SEM1: variants seen among roughly 807,000 people sequenced by gnomAD.
The protein encoded by SEM1 is SEM1 26S proteasome subunit.
A neutral mutation model predicts 12.7 loss-of-function variants in SEM1; 3 were observed. The observed-to-expected ratio is 0.24, with a 90% CI of 0.11 to 0.61. The LOEUF (loss-of-function observed/expected upper bound fraction) is 0.61, where lower values mean the gene tolerates loss of function less well. SEM1 is among the 20% of genes least tolerant of loss of function. The pLI is 0.88. For synonymous variants in SEM1, 30 were observed against 27.8 expected (o/e 1.08, Z -0.25); for missense variants, 59 against 81.3 (o/e 0.73, Z 1.06).
At chr7:96,599,863 C>G (rs760516284) in intron 2 of SEM1, among the ~76,000 whole-genome samples, 1 of 152,114 alleles carries the variant, frequency 6.6e-6, no homozygotes, top group African/African-American at 2.4e-5. Context: ...AAGTATTGAG[C>G]CAAATATACA....
At chr7:96,599,196 G>A (rs1332516039) in intron 2 of SEM1, among the ~76,000 whole-genome samples, 1 of 152,084 alleles carries the variant, frequency 6.6e-6, no homozygotes, top group African/African-American at 2.4e-5. Context: ...CTAAAGCATA[G>A]CACTTGGTTT....
At chr7:96,608,121 A>G (rs1807439997) in intron 2 of SEM1, among the ~76,000 whole-genome samples, 1 of 152,242 alleles carries the variant, frequency 6.6e-6, no homozygotes, top group Non-Finnish European at 1.5e-5. Flanking sequence ...AGCATAGGAA[A>G]TAACTCCCAA....
At chr7:96,580,241 T>C (rs1393518346) in intron 2 of SEM1, among the ~76,000 whole-genome samples, 1 of 148,444 alleles carries the variant, frequency 6.7e-6, no homozygotes, top group Non-Finnish European at 1.5e-5. Context: ...GTTCTTGTGA[T>C]AGTTTACTGA....
intron 2 of SEM1, among the ~76,000 whole-genome samples, chr7:96,625,312 T>A (rs1808027502): frequency 6.6e-6 from 1 of 152,200 alleles, no homozygotes. Context: ...CACATCTCAC[T>A]TAGCATCATA....
intron 1 of SEM1, among the ~76,000 whole-genome samples, chr7:96,486,941 GC>G (rs961643318): frequency 7.2e-5 from 11 of 152,152 alleles, no homozygotes; most frequent in African/African-American, 2.7e-4. Flanking sequence ...GCATGCCTGT[GC>G]CTGCCTTATG....
chr7:96,527,667 C>T (rs1804510301), intron 2 of SEM1, among the ~76,000 whole-genome samples: 1 of 152,120 alleles, frequency 6.6e-6, no homozygotes, highest in South Asian at 2.1e-4. Flanking sequence ...GGTGGTTTCA[C>T]TAGCAAGTTT....
At chr7:96,617,733 T>C (rs1038718209), downstream of SEM1, among the ~76,000 whole-genome samples, 2 of 152,140 alleles carry the variant, frequency 1.3e-5, no homozygotes, top group Non-Finnish European at 2.9e-5. Flanking sequence ...GTTTGTTGAG[T>C]ACTTTTATCA....
chr7:96,572,279 T>TCC (rs1806060355), intron 2 of SEM1, among the ~76,000 whole-genome samples: 2 of 152,054 alleles, frequency 1.3e-5, no homozygotes, highest in Admixed American at 1.3e-4. Flanking sequence ...GTCTCTATCT[T>TCC]CTTCAGTTCT....
intron 1 of SEM1, chr7:96,696,598 T>C (rs963513233): frequency 3.3e-5 from 5 of 151,920 alleles, no homozygotes; most frequent in African/African-American, 4.8e-5. Flanking sequence ...TTAAGAAAAA[T>C]AGTGCTAACA....
At position 96,509,622 on chromosome 7, in the gene SEM1, G is replaced by A. The variant is rs773069620; in HGVS notation, c.171-2924C>T. Among the ~76,000 whole-genome samples the A allele has an allele frequency of 4.6e-5, 7 of 152,158 alleles. No homozygotes were observed. In the East Asian group the frequency reaches 5.8e-4, roughly 13 times the overall value. ...GTTCATAGCAGCATTATTCACAGTA[G>A]CCAAAAGGTAGAAGCAACCCAAGTA... is the stretch of plus-strand genomic sequence containing the variant. On this transcript the variant is annotated intron_variant and NMD_transcript_variant, in intron 2 of 3. Coordinates refer to the SEM1 transcript ENST00000466986.
At chr7:96,526,863 TA>T (rs925723494) in intron 2 of SEM1, among the ~76,000 whole-genome samples, 60 of 148,840 alleles carry the variant, frequency 4.0e-4, no homozygotes, top group African/African-American at 1.2e-3. Context: ...TCCTCCTCCT[TA>T]AAAAAAAAAG....
chr7:96,620,469 C>G (rs1288078377), downstream of SEM1, among the ~76,000 whole-genome samples: 1 of 152,162 alleles, frequency 6.6e-6, no homozygotes, highest in Admixed American at 6.5e-5. Flanking sequence ...CTTTCTGGAG[C>G]AATGTCTCTG....
At chr7:96,601,886 G>A (rs1403061268) in intron 2 of SEM1, among the ~76,000 whole-genome samples, 1 of 152,088 alleles carries the variant, frequency 6.6e-6, no homozygotes, top group Non-Finnish European at 1.5e-5. Context: ...AATTGTGGGA[G>A]TGTGAGTGTT....
At chr7:96,593,212 A>G (rs1025017713) in intron 2 of SEM1, among the ~76,000 whole-genome samples, 3 of 152,152 alleles carry the variant, frequency 2.0e-5, no homozygotes, top group African/African-American at 7.2e-5. Context: ...AAAAGAGTGC[A>G]TTCTGAGCTT....
intron 2 of SEM1, among the ~76,000 whole-genome samples, chr7:96,600,090 T>C (rs565438465): frequency 1.3e-5 from 2 of 152,308 alleles, no homozygotes; most frequent in South Asian, 4.1e-4. Context: ...ACTTTAAAAA[T>C]GTGAATTTAC....
intron 2 of SEM1, among the ~76,000 whole-genome samples, chr7:96,538,300 G>A (rs1804850959): frequency 6.6e-6 from 1 of 151,774 alleles, no homozygotes; most frequent in African/African-American, 2.4e-5. Context: ...GCTATGCCAT[G>A]TCTGAGCCTA....
At chr7:96,659,677 G>A (rs1236883048) in intron 2 of SEM1, among the ~76,000 whole-genome samples, 1 of 151,874 alleles carries the variant, frequency 6.6e-6, no homozygotes, top group Non-Finnish European at 1.5e-5. Flanking sequence ...GCATATTAAG[G>A]GTCTGTGTAT....
At chr7:96,565,727 A>G (rs765800254) in intron 2 of SEM1, among the ~76,000 whole-genome samples, 1 of 151,888 alleles carries the variant, frequency 6.6e-6, no homozygotes, top group Non-Finnish European at 1.5e-5. Context: ...AAGACTTTTT[A>G]AAACCCTAGC....
chr7:96,572,971 T>C (rs1360648398), intron 2 of SEM1, among the ~76,000 whole-genome samples: 1 of 152,236 alleles, frequency 6.6e-6, no homozygotes, highest in Non-Finnish European at 1.5e-5. Context: ...TGCTCCTGTA[T>C]AGGGTGCATA....
Sources: allele counts gnomAD v4.1 joint callset (sites outside exome capture counted in the v4.1 genomes callset), GRCh38; gene constraint gnomAD v4.1.1; transcripts MANE v1.5; gene names NCBI Gene and HGNC (gene_info 2026-07-23, HGNC 2026-07-21).